Variants in CCDC61 observed in about 807,000 individuals in gnomAD.
CCDC61 encodes the protein centrosomal protein CCDC61.
In CCDC61, 55 loss-of-function variants were observed where a neutral mutation model predicts 63.0. The ratio of observed to expected loss-of-function variants is 0.87; its 90% CI spans 0.70 to 1.09. The LOEUF is 1.09. Ranked by LOEUF, CCDC61 falls within the 50% of genes least tolerant of loss-of-function variation. The pLI is 0.00. For missense variants in CCDC61, 651 were observed against 731.4 expected (o/e 0.89, Z 1.27); for synonymous variants, 270 against 317.0 (o/e 0.85, Z 1.58).
intron 5 of CCDC61, among the ~76,000 whole-genome samples, chr19:46,009,223 GGAAT>G (rs1276825720): frequency 6.6e-6 from 1 of 152,056 alleles, no homozygotes; most frequent in East Asian, 1.9e-4. Context: ...TGAGAACAAG[GGAAT>G]GAATGAAGTG....
At position 46,016,843 on chromosome 19, in the gene CCDC61, C is replaced by T; in HGVS notation, c.1231+10C>T. On this transcript the variant is annotated intron_variant, in intron 10 of 13. Transcript: ENST00000595358. The surrounding 1 kb of genome is among the most constrained non-coding windows in gnomAD (Gnocchi z 7.2). ...AACCGCAGCTCCTCAGGTAACTGGCCTGGAGCTGGGGGCTGCCGGGCTAGG... is the reference window on the plus strand; with the variant it reads ...AACCGCAGCTCCTCAGGTAACTGGCTTGGAGCTGGGGGCTGCCGGGCTAGG... 4 of 1,461,652 alleles carry T rather than the reference C, an allele frequency of 2.7e-6. No individual in the cohort carries two copies. Among genetic ancestry groups the T allele is most frequent in the Non-Finnish European group, 3.6e-6 (4 of 1,097,806 alleles). 90.5% of individuals were successfully genotyped at this position (1,461,652 alleles called of 1,614,324 possible).
chr19:46,000,704 G>C (rs117685325), intron 1 of CCDC61, among the ~76,000 whole-genome samples: 1 of 152,052 alleles, frequency 6.6e-6, no homozygotes, highest in South Asian at 2.1e-4. Context: ...ATGCCTAGAG[G>C]AGGGGAAGGG....
chr19:46,014,442 TACTC>T (rs1184293552), intron 5 of CCDC61, among the ~76,000 whole-genome samples: 28 of 152,278 alleles, frequency 1.8e-4, no homozygotes, highest in Admixed American at 1.8e-3. Flanking sequence ...GACACAGAGA[TACTC>T]TACTTTCCTC....
chr19:46,009,821 T>C (rs1017974823), intron 5 of CCDC61, among the ~76,000 whole-genome samples: 2 of 92,538 alleles, frequency 2.2e-5, no homozygotes, highest in African/African-American at 4.5e-5. Flanking sequence ...TGTGTATGTG[T>C]GTGTGTGTGT....
In CCDC61 at chr19:46,015,447, G is replaced by A. The variant is rs746629418; in HGVS notation, c.845+20G>A. ...GAGGGGGTGAGAGCGAGGCCTGCCA[G>A]GCGCCTGGGCGGATGGGCGGGCCCT... On this transcript the variant is annotated intron_variant, in intron 7 of 13. Transcript: ENST00000595358. This position sits in a 1 kb window ranked among gnomAD's most constrained non-coding sequence, Gnocchi z 5.3. 2 of 1,591,438 alleles carry A rather than the reference G, an allele frequency of 1.3e-6. No homozygotes were observed. The highest frequency in any genetic ancestry group is 1.7e-6 in the Non-Finnish European group (2 of 1,174,992).
chr19:45,996,349 G>A (rs1017485939), intron 1 of CCDC61: 1 of 151,580 alleles, frequency 6.6e-6, no homozygotes, highest in African/African-American at 2.4e-5. Flanking sequence ...CCAATCTTGC[G>A]ATTTCTTCCT....
chr19:46,004,899 C>T (rs568381634), intron 3 of CCDC61, among the ~76,000 whole-genome samples: 14 of 135,584 alleles, frequency 1.0e-4, no homozygotes, highest in Non-Finnish European at 2.0e-4. Flanking sequence ...GGCTTAGTGG[C>T]ACAGTCTCAG....
chr19:46,003,645 A>G (rs1260234270), intron 3 of CCDC61, 144 bp downstream of exon 3: 2 of 552,868 alleles, frequency 3.6e-6, no homozygotes, highest in Admixed American at 3.2e-5. Context: ...TCTTTTGCCA[A>G]GTGTAAATGC....
chr19:46,009,041 T>G (rs1480374486), intron 5 of CCDC61, among the ~76,000 whole-genome samples: 3 of 152,026 alleles, frequency 2.0e-5, no homozygotes, highest in Non-Finnish European at 4.4e-5. Flanking sequence ...TATAACCACT[T>G]GAGTATATCA....
At position 45,995,664 on chromosome 19, in the gene CCDC61, T is replaced by C. The variant is rs368476117; in HGVS notation, c.-12+160T>C. On this transcript the variant is annotated intron_variant, in intron 1 of 13. Transcript: ENST00000595358. Reference sequence around the variant, plus strand: ...CCCTTTAACAAGGGTAGGCGCTTGATTGAGGGGTTGTGAGGCTGAGCGCAG... The same window carrying C: ...CCCTTTAACAAGGGTAGGCGCTTGACTGAGGGGTTGTGAGGCTGAGCGCAG... 1.7e-3 allele frequency among the ~76,000 whole-genome samples: 251 copies of C among 151,894 alleles called. 1 individual carries two copies. The highest frequency in any genetic ancestry group is 5.9e-3 in the African/African-American group (246 of 41,408).
chr19:46,006,600 C>T lies in CCDC61; in HGVS notation c.273C>T (p.Asp91=), dbSNP rs1368959775. 5 of 1,613,272 alleles carry T rather than the reference C, an allele frequency of 3.1e-6. No individual in the cohort carries two copies. The South Asian group carries it at 5.5e-5, about 18-fold the overall frequency. Residue 91 remains aspartate, a synonymous_variant, in exon 4 of 14, where the codon GAC becomes GAT. Coordinates refer to ENST00000595358, the MANE Select transcript of CCDC61 (RefSeq NM_001267723.2). ...SVTLDLLTYT[D]LESLRNRKMG... ...CCCTGGACCTGCTGACCTACACAGA[C>T]CTGGAGTCCCTGCGGAACCGCAAGA...
At chr19:46,017,551 G>C (rs1427918220) in intron 12 of CCDC61, among the ~76,000 whole-genome samples, 1 of 151,940 alleles carries the variant, frequency 6.6e-6, no homozygotes, top group Non-Finnish European at 1.5e-5. Flanking sequence ...GCTTTTTTGG[G>C]GGGGCAGGGT....
intron 2 of CCDC61, 56 bp downstream of exon 2, chr19:46,003,222 C>A: frequency 6.5e-7 from 1 of 1,544,542 alleles, no homozygotes; most frequent in East Asian, 2.3e-5. Context: ...TCAGCTTCTC[C>A]CAGAATATCA....
chr19:46,003,443 CAG>C lies in CCDC61; in HGVS notation c.174_175del (p.Gly59GlufsTer20). 1 of 1,613,052 alleles carries C rather than the reference CAG, an allele frequency of 6.2e-7. No homozygotes were observed. ...GTCATTGAAGATTTGACTCACAAGA[CAG>C]GGAACTTCAAACAGTTCAACATCTT... On this transcript the variant is annotated frameshift_variant, in exon 3 of 14. Coordinates refer to ENST00000595358, the MANE Select transcript of CCDC61 (RefSeq NM_001267723.2). LOFTEE classifies it high-confidence loss of function.
rs368392086 is a variant in CCDC61, at chr19:46,016,967, G to A, written c.1232-24G>A. The A allele has an allele frequency of 1.4e-5, 22 of 1,600,304 alleles. No homozygotes were observed. The highest frequency in any genetic ancestry group is 4.5e-5 in the East Asian group (2 of 44,438). On this transcript the variant is annotated intron_variant, in intron 10 of 13. Transcript: ENST00000595358. The surrounding 1 kb of genome is among the most constrained non-coding windows in gnomAD (Gnocchi z 7.2). Reference sequence around the variant, plus strand: ...TGGGCGGGGCCAGCGAGGGCCAGCGGTCACGCCCTCCGTCTCCCTCTAGTG... The same window carrying A: ...TGGGCGGGGCCAGCGAGGGCCAGCGATCACGCCCTCCGTCTCCCTCTAGTG...
At chr19:46,005,321 T>C (rs1023175886) in intron 3 of CCDC61, among the ~76,000 whole-genome samples, 11 of 152,168 alleles carry the variant, frequency 7.2e-5, no homozygotes, top group Non-Finnish European at 1.5e-4. Context: ...GGACAAGCGA[T>C]AGTTTCTTAA....
At position 46,015,425 on chromosome 19, in the gene CCDC61, G is replaced by A. The variant is rs376562327; in HGVS notation, c.843G>A (p.Arg281=). The A allele has an allele frequency of 6.3e-6, 10 of 1,598,806 alleles. No homozygotes were observed. Among genetic ancestry groups the A allele is most frequent in the African/African-American group, 1.3e-5 (1 of 74,880 alleles). Residue 281 remains arginine, a splice_region_variant and synonymous_variant, in exon 7 of 14, where the codon AGG becomes AGA. Transcript: ENST00000595358. The surrounding 1 kb of genome is among the most constrained non-coding windows in gnomAD (Gnocchi z 5.3). The stretch of plus-strand genomic sequence containing the variant: ...CCAGCGAGCTGGCATTGTACAAGAG[G>A]GGGTGAGAGCGAGGCCTGCCAGGCG... ...TLTSELALYK[R]GRRTPPVQPP...
intron 3 of CCDC61, among the ~76,000 whole-genome samples, chr19:46,006,277 T>A (rs927291951): frequency 2.6e-5 from 4 of 152,224 alleles, no homozygotes; most frequent in Admixed American, 1.3e-4. Context: ...TGGAGATCCC[T>A]GAAAGGGTCT....
At chr19:46,012,072 G>T (rs1470995837) in intron 5 of CCDC61, among the ~76,000 whole-genome samples, 1 of 152,184 alleles carries the variant, frequency 6.6e-6, no homozygotes, top group Admixed American at 6.5e-5. Context: ...CTCCCAGAGT[G>T]TTGGAATTAC....
Sources: allele counts gnomAD v4.1 joint callset (sites outside exome capture counted in the v4.1 genomes callset), GRCh38; gene constraint gnomAD v4.1.1; non-coding constraint Gnocchi (gnomAD v3.1); transcripts MANE v1.5; gene names NCBI Gene and HGNC (gene_info 2026-07-23, HGNC 2026-07-21).